SUSD6: variants seen among roughly 807,000 people sequenced by gnomAD.
SUSD6 encodes sushi domain containing 6.
A neutral mutation model predicts 28.4 loss-of-function variants in SUSD6; 16 were observed. That is an observed-to-expected ratio of 0.56 (90% CI 0.38 to 0.86). The LOEUF (loss-of-function observed/expected upper bound fraction) is 0.86. Among genes scored for constraint, SUSD6 ranks in the 40% least tolerant of loss-of-function variants. The pLI, the probability that SUSD6 is intolerant of heterozygous loss-of-function variation, is 0.00. For synonymous variants in SUSD6, 147 were observed against 159.6 expected (o/e 0.92, Z 0.59); for missense variants, 341 against 384.2 (o/e 0.89, Z 0.94).
intron 2 of SUSD6, among the ~76,000 whole-genome samples, chr14:69,684,739 C>T (rs115919795): frequency 0.011 from 1,739 of 152,342 alleles, 40 homozygotes; most frequent in African/African-American, 0.04. Flanking sequence ...GGGGGCAGGT[C>T]AGGCCGAGGC....
At chr14:69,701,856 A>G (rs1886316777) in intron 2 of SUSD6, among the ~76,000 whole-genome samples, 1 of 152,162 alleles carries the variant, frequency 6.6e-6, no homozygotes, top group African/African-American at 2.4e-5. Context: ...GAAAAGAAAA[A>G]GTGCCTTTTC....
Sources: allele counts gnomAD v4.1 joint callset (sites outside exome capture counted in the v4.1 genomes callset), GRCh38; gene constraint gnomAD v4.1.1; transcripts MANE v1.5; gene names NCBI Gene and HGNC (gene_info 2026-07-23, HGNC 2026-07-21).